Variants in TAF9B observed in about 807,000 individuals in gnomAD.
The protein encoded by TAF9B is transcription initiation factor TFIID subunit 9B.
TAF9B carries 47 observed loss-of-function variants against 17.6 expected under a neutral mutation model. The observed-to-expected ratio is 2.68, with a 90% CI of 2.12 to 3.41. The LOEUF (loss-of-function observed/expected upper bound fraction) is 3.41. Among genes scored for constraint, TAF9B ranks in the 30% most tolerant of loss-of-function variants. The pLI, the probability that TAF9B is intolerant of heterozygous loss-of-function variation, is 0.00. For missense variants in TAF9B, 218 were observed against 189.3 expected, an observed-to-expected ratio of 1.15 and a Z score of -0.89; for synonymous variants, 84 against 68.7, an observed-to-expected ratio of 1.22 and a Z score of -1.10.
intron 6 of TAF9B, among the ~76,000 whole-genome samples, chrX:78,132,610 C>CTG (rs201863850): frequency 0.078 from 7,532 of 96,159 alleles, 340 homozygotes; most frequent in African/African-American, 0.15. Context: ...TTATTCCAAT[C>CTG]TGTGTGTGTG....
intron 4 of TAF9B, 122 bp downstream of exon 4, chrX:78,137,623 TAAAA>T: frequency 3.0e-6 from 2 of 674,042 alleles, no homozygotes; most frequent in Non-Finnish European, 4.2e-6. Flanking sequence ...TTTTTAAAAT[TAAAA>T]AAATTCTAGT....
Position 78,138,049 on chromosome X carries a change from A to C in TAF9B, c.183T>G (p.Ala61=). Residue 61 remains alanine (A), a synonymous_variant, in exon 3 of 7, where the codon GCT becomes GCG. Transcript: ENST00000341864. ...CATCTGCATCAACATTAGGTTTCTT[A>C]GCATGGCTCGAATAAATTTTTGCAT... ...LDDAKIYSSH[A]KKPNVDADDV... 3 of 1,208,630 alleles carry C rather than the reference A, an allele frequency of 2.5e-6. No homozygotes were observed. The highest frequency in any genetic ancestry group is 3.4e-6 in the Non-Finnish European group (3 of 894,353).
chrX:78,136,671 C>T (rs782638934), intron 5 of TAF9B, among the ~76,000 whole-genome samples: 3 of 111,853 alleles, frequency 2.7e-5, no homozygotes, highest in Non-Finnish European at 5.6e-5. Context: ...AGAGTTTATA[C>T]CAACAACAAT....
chrX:78,139,521 C>T (rs1557250504), intron 1 of TAF9B, 40 bp downstream of exon 1: 1 of 1,209,481 alleles, frequency 8.3e-7, no homozygotes, highest in Admixed American at 2.2e-5. Flanking sequence ...TCCCTGGCTG[C>T]ACCTGGCTTC....
Position 78,136,161 on chromosome X carries a change from G to GA in TAF9B, c.481+753dup, listed in dbSNP as rs1337230576. Among the ~76,000 whole-genome samples, 222 of 104,801 alleles carry GA rather than the reference G, an allele frequency of 2.1e-3. 1 individual carries two copies. Among genetic ancestry groups the GA allele is most frequent in the African/African-American group, 5.6e-3 (163 of 28,976 alleles). 91.0% of individuals were successfully genotyped at this position (104,801 alleles called of 115,157 possible). The stretch of plus-strand genomic sequence containing the variant: ...TGCAAGAAACCCAGCAGGAATGTAG[G>GA]AAAAAAAAAACAGGAAATCTAAGTC... On this transcript the variant is annotated intron_variant, in intron 5 of 6. Transcript: ENST00000341864.
At chrX:78,133,554 AGGTGAGG>A in intron 5 of TAF9B, 106 bp from the exon 6 acceptor site, 1 of 577,092 alleles carries the variant, frequency 1.7e-6, no homozygotes, top group Admixed American at 2.8e-5. Flanking sequence ...AACTAATAAA[AGGTGAGG>A]AAAAAGTCAT....
chrX:78,133,595 TAAAA>T, intron 5 of TAF9B, 147 bp from the exon 6 acceptor site: 1 of 448,761 alleles, frequency 2.2e-6, no homozygotes, highest in Non-Finnish European at 3.9e-6. Context: ...AAAACAACCT[TAAAA>T]AAATTTACAA....
rs1319879038 is a variant in TAF9B at position 78,131,358 on chromosome X, CAG to C, written c.*250_*251del. 8 of 235,357 alleles carry C rather than the reference CAG, an allele frequency of 3.4e-5. No homozygotes were observed. The highest frequency in any genetic ancestry group is 7.0e-5 in the East Asian group (1 of 14,266). 19.4% of individuals were successfully genotyped at this position (235,357 alleles called of 1,213,427 possible). On this transcript the variant is annotated 3_prime_UTR_variant, in exon 7 of 7. Coordinates refer to ENST00000341864, the MANE Select transcript of TAF9B (RefSeq NM_015975.5). ...AGAAGGCAGAAAAGTGTCTCAAAAACAGAATTGCCATATTAGGACTCAACATT... is the reference window on the plus strand; with the variant it reads ...AGAAGGCAGAAAAGTGTCTCAAAAACAATTGCCATATTAGGACTCAACATT...
rs2078407080 is a variant in TAF9B, at chrX:78,130,833, A to G, written c.*777T>C. The G allele has an allele frequency of 8.9e-6, 1 of 112,565 alleles. No homozygotes were observed. Among genetic ancestry groups the G allele is most frequent in the African/African-American group, 3.2e-5 (1 of 30,979 alleles). 9.3% of individuals were successfully genotyped at this position (112,565 alleles called of 1,213,427 possible). ...TAACAGGCATAAAAACTAAGGGGTA[A>G]AACCCAACTGCTCTGACATAAGAGT... On this transcript the variant is annotated 3_prime_UTR_variant, in exon 7 of 7. Coordinates refer to ENST00000341864, the MANE Select transcript of TAF9B (RefSeq NM_015975.5).
chrX:78,134,580 G>C (rs782519549), intron 5 of TAF9B, among the ~76,000 whole-genome samples: 1 of 111,386 alleles, frequency 9.0e-6, no homozygotes, highest in African/African-American at 3.3e-5. Flanking sequence ...ATCATTTCTA[G>C]AGACAAAGGT....
rs781821470 is a variant in TAF9B, at chrX:78,130,963, G to A, written c.*647C>T. 1 of 111,706 alleles carries A rather than the reference G, an allele frequency of 9.0e-6. No homozygotes were observed. The highest frequency in any genetic ancestry group is 2.8e-4 in the East Asian group (1 of 3,587). 9.2% of individuals were successfully genotyped at this position (111,706 alleles called of 1,213,427 possible). ...AAATGACACTGAGCTGTATTACCAG[G>A]AATAATATTTTTAAAATTCCAGGTA... On this transcript the variant is annotated 3_prime_UTR_variant, in exon 7 of 7. Transcript: ENST00000341864.
intron 2 of TAF9B, 68 bp downstream of exon 2, chrX:78,138,775 G>A: frequency 1.1e-6 from 1 of 877,417 alleles, no homozygotes; most frequent in Non-Finnish European, 1.7e-6. Flanking sequence ...AAAAGAAAAT[G>A]TTCTTACAAT....
chrX:78,130,018 T>A lies in TAF9B; in HGVS notation c.*1592A>T, dbSNP rs1198893905. ...CTCCCTGAGAACATTCAAGTAATAA[T>A]ATCCTATGCTATATAATGAATATTT... On this transcript the variant is annotated 3_prime_UTR_variant, in exon 7 of 7. Transcript: ENST00000341864. 8.9e-6 allele frequency: 1 copy of A among 112,091 alleles called. No individual in the cohort carries two copies. The highest frequency in any genetic ancestry group is 9.5e-5 in the Admixed American group (1 of 10,494). 9.2% of individuals were successfully genotyped at this position (112,091 alleles called of 1,213,427 possible).
Position 78,130,292 on chromosome X carries a change from TAAGAA to T in TAF9B, c.*1313_*1317del, listed in dbSNP as rs1255517174. 6.2e-5 allele frequency: 7 copies of T among 112,182 alleles called. No homozygotes were observed. The highest frequency in any genetic ancestry group is 1.3e-4 in the African/African-American group (4 of 30,772). The allele number at this position is 112,182 out of a possible 1,213,427, so 9.2% of individuals were successfully genotyped here. A position where few individuals can be genotyped will look rare whatever the true frequency, so the allele number is the denominator to read the frequency against. ...AAATTCTACAAAAGTATGTTGAACT[TAAGAA>T]AAACAAAACAGGTGTGTTTATATTC... On this transcript the variant is annotated 3_prime_UTR_variant, in exon 7 of 7. Coordinates refer to ENST00000341864, the MANE Select transcript of TAF9B (RefSeq NM_015975.5).
rs371749672 is a variant in TAF9B, at chrX:78,136,987, G to C, written c.409C>G (p.Pro137Ala). ...YRLKSLIKKG[P>A]NQGRLVPRLS... ...CGTGGAACTAGTCTCCCTTGGTTAGGTCCCTAGGGGATTTAAAAAACAAAT... is the reference window on the plus strand; with the variant it reads ...CGTGGAACTAGTCTCCCTTGGTTAGCTCCCTAGGGGATTTAAAAAACAAAT... Residue 137 changes from proline to alanine, a missense_variant, in exon 5 of 7, where the codon CCT becomes GCT. Pro to Ala is a conservative substitution (Grantham distance 27). Coordinates refer to ENST00000341864, the MANE Select transcript of TAF9B (RefSeq NM_015975.5). 7.5e-5 allele frequency: 89 copies of C among 1,182,302 alleles called. 1 individual carries two copies. The South Asian group carries it at 1.5e-3, about 20-fold the overall frequency.
In TAF9B at chrX:78,138,066, T is replaced by G; in HGVS notation, c.166A>C (p.Ile56Leu). 8.3e-7 allele frequency: 1 copy of G among 1,206,681 alleles called. No individual in the cohort carries two copies. Among genetic ancestry groups the G allele is most frequent in the Non-Finnish European group, 1.1e-6 (1 of 894,002 alleles). The change falls in exon 3 of 7, where the codon ATT becomes CTT. Residue 56 changes from isoleucine (I) to leucine (L), a missense_variant. By Grantham distance (5) the Ile-to-Leu change is conservative. Transcript: ENST00000341864. ...YVTTILDDAK[I>L]YSSHAKKPNV... is the part of the protein sequence containing the mutation. Reference sequence around the variant, plus strand: ...GGTTTCTTAGCATGGCTCGAATAAATTTTTGCATCATCCAGAATTGTAGTC... The same window carrying G: ...GGTTTCTTAGCATGGCTCGAATAAAGTTTTGCATCATCCAGAATTGTAGTC...
chrX:78,135,294 A>T (rs1428885007), intron 5 of TAF9B, among the ~76,000 whole-genome samples: 1 of 100,759 alleles, frequency 9.9e-6, no homozygotes, highest in Non-Finnish European at 2.0e-5. Flanking sequence ...TTGCATCTTT[A>T]TGCCTGGCGT....
chrX:78,131,878 C>T lies in TAF9B; in HGVS notation c.593-105G>A, dbSNP rs369762128. 114 of 714,089 alleles carry T rather than the reference C, an allele frequency of 1.6e-4. No individual in the cohort carries two copies. The East Asian group carries it at 2.5e-3, about 16-fold the overall frequency. The allele number at this position is 714,089 out of a possible 1,213,427, so 58.8% of individuals were successfully genotyped here. ...ACAAAGCTGAATGTAATTCTAATAC[C>T]AATTTCAATAGCATGAAGTGCAACT... On this transcript the variant is annotated intron_variant, in intron 6 of 6. Coordinates refer to ENST00000341864, the MANE Select transcript of TAF9B (RefSeq NM_015975.5).
At chrX:78,134,987 C>T (rs1025924243) in intron 5 of TAF9B, among the ~76,000 whole-genome samples, 4 of 101,881 alleles carry the variant, frequency 3.9e-5, no homozygotes, top group Non-Finnish European at 5.9e-5. Context: ...GAGTCTTACT[C>T]TGTCGTCCAA....
Sources: gnomAD v4.1 joint callset for allele counts (sites outside exome capture counted in the v4.1 genomes callset) on GRCh38, gnomAD v4.1.1 for gene constraint, MANE v1.5 for transcripts, NCBI Gene and HGNC (gene_info 2026-07-23, HGNC 2026-07-21) for gene names.